Variants in ETV7 observed in about 807,000 individuals in gnomAD.
ETV7 encodes ETS variant transcription factor 7, also known as transcription factor ETV7.
ETV7 carries 43 observed loss-of-function variants against 39.1 expected under a neutral mutation model. The observed-to-expected ratio is 1.10, with a 90% CI of 0.86 to 1.42. ETV7 has a LOEUF of 1.42. ETV7 is among the 40% of genes most tolerant of loss of function. The probability of loss-of-function intolerance (pLI) is 0.00; values close to 1 mark genes in which losing one functional copy is unlikely to be tolerated. For synonymous variants in ETV7, 196 were observed against 176.6 expected (o/e 1.11, Z -0.87); for missense variants, 432 against 442.3 (o/e 0.98, Z 0.21).
chr6:36,381,459 C>T (rs545220398), intron 2 of ETV7, among the ~76,000 whole-genome samples: 1 of 152,140 alleles, frequency 6.6e-6, no homozygotes, highest in South Asian at 2.1e-4. Flanking sequence ...CACAATACCT[C>T]GTCAAGAATA....
chr6:36,363,282 T>G (rs1310180303), downstream of ETV7, among the ~76,000 whole-genome samples: 2 of 152,010 alleles, frequency 1.3e-5, no homozygotes, highest in South Asian at 2.1e-4. Context: ...TTCCTTCTGG[T>G]GGGTTCGTGG....
At chr6:36,360,198 T>C (rs947049243) in intron 7 of ETV7, among the ~76,000 whole-genome samples, 1 of 152,172 alleles carries the variant, frequency 6.6e-6, no homozygotes, top group Non-Finnish European at 1.5e-5. Flanking sequence ...GCCAGTCTTT[T>C]TGATTCCTAA....
chr6:36,385,506 C>T (rs897685584), intron 2 of ETV7, 28 bp downstream of exon 2: 3 of 1,613,960 alleles, frequency 1.9e-6, no homozygotes, highest in African/African-American at 2.7e-5. Flanking sequence ...CTTTTAAAAA[C>T]TCAGCTTTTC....
intron 1 of ETV7, among the ~76,000 whole-genome samples, chr6:36,386,554 C>T (rs1430882202): frequency 2.0e-5 from 3 of 152,176 alleles, no homozygotes; most frequent in Admixed American, 1.3e-4. Flanking sequence ...GCTGCCACAG[C>T]ACGGAAAGGA....
downstream of ETV7, among the ~76,000 whole-genome samples, chr6:36,365,801 G>A (rs967739197): frequency 3.3e-5 from 5 of 152,106 alleles, no homozygotes; most frequent in East Asian, 1.9e-4. Context: ...TCATCTTCAC[G>A]CCTGAATGCC....
At chr6:36,379,112 C>T (rs1390288747) in intron 2 of ETV7, among the ~76,000 whole-genome samples, 1 of 152,204 alleles carries the variant, frequency 6.6e-6, no homozygotes, top group Non-Finnish European at 1.5e-5. Flanking sequence ...CCTGAGGGGT[C>T]GAGGGCAGGC....
At chr6:36,385,509 A>G in intron 2 of ETV7, 25 bp downstream of exon 2, 1 of 1,614,094 alleles carries the variant, frequency 6.2e-7, no homozygotes, top group African/African-American at 1.3e-5. Context: ...TTAAAAACTC[A>G]GCTTTTCTCC....
rs1217226077 is a variant in ETV7, at chr6:36,382,270, T to A, written c.142+3264A>T. 2.0e-5 allele frequency among the ~76,000 whole-genome samples: 3 copies of A among 152,372 alleles called. No individual in the cohort carries two copies. In the East Asian group the frequency reaches 5.8e-4, roughly 29 times the overall value. On this transcript the variant is annotated intron_variant, in intron 2 of 7. Transcript: ENST00000340181. ...TCTCAGCTACCTTTACTATTTATAA[T>A]GCGCTCTGATGTGTTGTTCTATTTC...
rs201338282 is a variant in ETV7, at chr6:36,373,534, G to A, written c.352C>T (p.Arg118Ter). The change falls in exon 4 of 8, where the codon CGA becomes TGA. Residue 118 changes from arginine (R) to a stop codon, truncating the protein, a stop_gained. Transcript: ENST00000340181. LOFTEE classifies it high-confidence loss of function. ...AAAAAGGGCCCACACACCAGGGCTC[G>A]CCGCTGGGTCTTGATGTACTGGAGC... is the stretch of plus-strand genomic sequence containing the variant. Reference protein sequence around the residue: ...ELLQYIKTQRRALVCGPFFGG... With the variant: ...ELLQYIKTQR 51 of 1,538,304 alleles carry A rather than the reference G, an allele frequency of 3.3e-5. No homozygotes were observed. Among genetic ancestry groups the A allele is most frequent in the Admixed American group, 6.1e-5 (3 of 49,500 alleles).
At chr6:36,375,738 T>C in intron 3 of ETV7, 133 bp downstream of exon 3, 2 of 1,425,200 alleles carry the variant, frequency 1.4e-6, no homozygotes, top group Non-Finnish European at 1.9e-6. Flanking sequence ...GAGGGGCATC[T>C]GCAGTGCTGG....
Position 36,371,461 on chromosome 6 carries a change from C to A in ETV7, c.533G>T (p.Gly178Val). ...TSNFGHLDDP[G>V]LARWTPGKEE... ...CTTGCCAGGGGTCCACCTTGCCAGGCCAGGGTCATCCAGGTGGCCGAAGTT... is the reference window on the plus strand; with the variant it reads ...CTTGCCAGGGGTCCACCTTGCCAGGACAGGGTCATCCAGGTGGCCGAAGTT... The change falls in exon 5 of 8, where the codon GGC becomes GTC. Residue 178 changes from glycine (G) to valine (V), a missense_variant. Physicochemically the swap from Gly to Val is moderately radical, Grantham distance 109. Coordinates refer to ENST00000340181, the MANE Select transcript of ETV7 (RefSeq NM_016135.4). 6.2e-7 allele frequency: 1 copy of A among 1,601,988 alleles called. No homozygotes were observed. The highest frequency in any genetic ancestry group is 1.1e-5 in the South Asian group (1 of 88,532).
chr6:36,387,518 C>G lies in ETV7; in HGVS notation c.6+18G>C. Reference sequence around the variant, plus strand: ...TGGCTCTGCGTGCGCGCTGCGTGTTCAGCCGCCAGGCTCTTACCTGCATTA... The same window carrying G: ...TGGCTCTGCGTGCGCGCTGCGTGTTGAGCCGCCAGGCTCTTACCTGCATTA... On this transcript the variant is annotated intron_variant, in intron 1 of 7. Coordinates refer to ENST00000340181, the MANE Select transcript of ETV7 (RefSeq NM_016135.4). 1.9e-6 allele frequency: 3 copies of G among 1,614,090 alleles called. No homozygotes were observed. The highest frequency in any genetic ancestry group is 2.5e-6 in the Non-Finnish European group (3 of 1,180,010).
intron 5 of ETV7, among the ~76,000 whole-genome samples, chr6:36,370,805 G>A (rs1222490390): frequency 2.6e-5 from 4 of 152,186 alleles, no homozygotes; most frequent in African/African-American, 9.6e-5. Context: ...AATGCAGAGT[G>A]GAAGTGTATC....
chr6:36,363,310 T>G (rs373993883), downstream of ETV7, among the ~76,000 whole-genome samples: 3 of 152,038 alleles, frequency 2.0e-5, no homozygotes, highest in East Asian at 5.8e-4. Context: ...GGCTCAGGAG[T>G]GAAGCTGCAG....
chr6:36,366,200 A>G lies in ETV7; in HGVS notation c.*445T>C. On this transcript the variant is annotated 3_prime_UTR_variant, in exon 8 of 8. Coordinates refer to ENST00000340181, the MANE Select transcript of ETV7 (RefSeq NM_016135.4). The stretch of plus-strand genomic sequence containing the variant: ...AAAATAAAAGAAAGAAACATCAGCT[A>G]CCATTGTTTTTATTGTTACTGAGGC... 4 of 1,003,872 alleles carry G rather than the reference A, an allele frequency of 4.0e-6. No homozygotes were observed. Among genetic ancestry groups the G allele is most frequent in the Non-Finnish European group, 3.6e-6 (3 of 840,254 alleles). 62.2% of individuals were successfully genotyped at this position (1,003,872 alleles called of 1,614,324 possible). A position where few individuals can be genotyped will look rare whatever the true frequency, so the allele number is the denominator to read the frequency against.
intron 4 of ETV7, 94 bp from the exon 5 acceptor site, chr6:36,371,654 A>G: frequency 1.8e-6 from 2 of 1,109,310 alleles, no homozygotes; most frequent in Non-Finnish European, 2.6e-6. Context: ...CCTGTGGGGC[A>G]GCACTCCTGA....
At chr6:36,363,531 G>C (rs527393359), downstream of ETV7, among the ~76,000 whole-genome samples, 12 of 152,198 alleles carry the variant, frequency 7.9e-5, no homozygotes, top group Non-Finnish European at 1.5e-5. Flanking sequence ...GCAGATCTTC[G>C]CACTAAGCGT....
At chr6:36,375,708 A>G (rs1244463119) in intron 3 of ETV7, 163 bp downstream of exon 3, 4 of 1,145,044 alleles carry the variant, frequency 3.5e-6, no homozygotes, top group Admixed American at 4.2e-5. Flanking sequence ...GCTAGGAACC[A>G]CCAGATACAC....
At chr6:36,359,829 CA>C (rs1772439026) in intron 7 of ETV7, among the ~76,000 whole-genome samples, 1 of 152,054 alleles carries the variant, frequency 6.6e-6, no homozygotes, top group Admixed American at 6.6e-5. Context: ...TTTCATTTTA[CA>C]AAAGTAGAAA....
Sources: gnomAD v4.1 joint callset for allele counts (sites outside exome capture counted in the v4.1 genomes callset) on GRCh38, gnomAD v4.1.1 for gene constraint, MANE v1.5 for transcripts, NCBI Gene and HGNC (gene_info 2026-07-23, HGNC 2026-07-21) for gene names.